BMPR1B: variants seen among roughly 807,000 people sequenced by gnomAD.
The protein encoded by BMPR1B is bone morphogenetic protein receptor type 1B, also known as bone morphogenetic protein receptor type-1B.
A neutral mutation model predicts 59.1 loss-of-function variants in BMPR1B; 12 were observed. That is an observed-to-expected ratio of 0.20 (90% confidence interval 0.13 to 0.33). The LOEUF is 0.33. BMPR1B is among the 10% of genes least tolerant of loss of function. The probability of loss-of-function intolerance (pLI) is 1.00; values close to 1 mark genes in which losing one functional copy is unlikely to be tolerated. For synonymous variants in BMPR1B, 237 were observed against 207.3 expected (o/e 1.14, Z -1.23); for missense variants, 550 against 610.9 (o/e 0.90, Z 1.05).
chr4:95,026,260 T>G (rs948125691), intron 3 of BMPR1B, among the ~76,000 whole-genome samples: 1 of 151,972 alleles, frequency 6.6e-6, no homozygotes, highest in Non-Finnish European at 1.5e-5. Context: ...GTATGTGACT[T>G]ACTTGATTCT....
At chr4:94,861,748 G>T (rs531967695) in intron 1 of BMPR1B, among the ~76,000 whole-genome samples, 1 of 152,082 alleles carries the variant, frequency 6.6e-6, no homozygotes, top group Admixed American at 6.5e-5. Context: ...TAAAATTATG[G>T]TTATAGCTAA....
intron 2 of BMPR1B, among the ~76,000 whole-genome samples, chr4:94,889,073 T>G (rs1440166185): frequency 6.6e-6 from 1 of 151,924 alleles, no homozygotes; most frequent in Non-Finnish European, 1.5e-5. Flanking sequence ...AGAAAGAAAT[T>G]TATAATAAAG....
intron 3 of BMPR1B, among the ~76,000 whole-genome samples, chr4:95,038,432 C>T (rs539015960): frequency 6.6e-6 from 1 of 152,276 alleles, no homozygotes. Flanking sequence ...AGACATCAAG[C>T]TTTATTTCCA....
intron 2 of BMPR1B, among the ~76,000 whole-genome samples, chr4:94,892,690 G>A (rs1727446552): frequency 6.6e-6 from 1 of 152,074 alleles, no homozygotes. Flanking sequence ...ACAAGCATTT[G>A]TTTAGTGAGA....
chr4:94,784,955 G>C (rs1722712260), intron 1 of BMPR1B, among the ~76,000 whole-genome samples: 1 of 152,150 alleles, frequency 6.6e-6, no homozygotes, highest in African/African-American at 2.4e-5. Flanking sequence ...GACCTACAAA[G>C]CCTCAAGCTT....
chr4:94,917,833 C>A (rs1218538671), intron 2 of BMPR1B, among the ~76,000 whole-genome samples: 1 of 152,148 alleles, frequency 6.6e-6, no homozygotes, highest in Non-Finnish European at 1.5e-5. Context: ...TTTGTCCTCA[C>A]CTAACTCTCA....
chr4:94,986,048 G>T (rs1414694608), intron 2 of BMPR1B, among the ~76,000 whole-genome samples: 1 of 151,870 alleles, frequency 6.6e-6, no homozygotes, highest in East Asian at 1.9e-4. Context: ...TTATAAGGGG[G>T]CAGTTTGTAT....
chr4:95,120,651 TTTCC>T (rs1553940511), intron 6 of BMPR1B, among the ~76,000 whole-genome samples: 1 of 34,316 alleles, frequency 2.9e-5, no homozygotes, highest in East Asian at 5.6e-4. Context: ...CCTTCCTTCC[TTTCC>T]TTCCTTCCTT....
rs547488889 is a variant in BMPR1B, at chr4:95,153,454, T to C, written c.1383+681T>C. The stretch of plus-strand genomic sequence containing the variant: ...GGCAGACTGGAATGTTCAAGATGAG[T>C]TTGAAGCACCACTGGAAAAAAAAAC... On this transcript the variant is annotated intron_variant, in intron 12 of 12. Coordinates refer to ENST00000515059, the MANE Select transcript of BMPR1B (RefSeq NM_001203.3). 3.0e-4 allele frequency among the ~76,000 whole-genome samples: 45 copies of C among 152,086 alleles called. 1 individual carries two copies. The highest frequency in any genetic ancestry group is 1.5e-4 in the Non-Finnish European group (10 of 67,986).
chr4:95,124,742 T>G (rs2149292019), intron 7 of BMPR1B, among the ~76,000 whole-genome samples: 1 of 152,170 alleles, frequency 6.6e-6, no homozygotes, highest in Non-Finnish European at 1.5e-5. Context: ...GAAGAAAAAT[T>G]GTAGATGCTT....
chr4:94,820,694 C>G, intron 1 of BMPR1B, among the ~76,000 whole-genome samples: 1 of 152,232 alleles, frequency 6.6e-6, no homozygotes, highest in Admixed American at 6.5e-5. Flanking sequence ...ATAAAAATAA[C>G]GAAGTCAGAA....
chr4:94,904,480 A>G (rs1727958090), intron 2 of BMPR1B, among the ~76,000 whole-genome samples: 1 of 152,038 alleles, frequency 6.6e-6, no homozygotes, highest in South Asian at 2.1e-4. Flanking sequence ...TACTTAAGTT[A>G]TTGGTGAATA....
intron 2 of BMPR1B, among the ~76,000 whole-genome samples, chr4:94,975,433 G>A (rs369994919): frequency 1.0e-3 from 135 of 133,860 alleles, no homozygotes; most frequent in African/African-American, 9.1e-4. Flanking sequence ...GTGCAGTCAC[G>A]ACTCACTGCA....
At chr4:94,920,365 A>G (rs1403358782) in intron 2 of BMPR1B, among the ~76,000 whole-genome samples, 1 of 152,160 alleles carries the variant, frequency 6.6e-6, no homozygotes, top group Non-Finnish European at 1.5e-5. Context: ...TTAATTAATT[A>G]TATTAATTAT....
At chr4:94,801,579 TAAC>T (rs1224120229) in intron 1 of BMPR1B, among the ~76,000 whole-genome samples, 4 of 152,342 alleles carry the variant, frequency 2.6e-5, no homozygotes, top group Admixed American at 6.5e-5. Flanking sequence ...CATTTTGTCA[TAAC>T]AACTTCATGA....
At chr4:95,051,357 C>G (rs762613012) in intron 3 of BMPR1B, among the ~76,000 whole-genome samples, 10 of 152,164 alleles carry the variant, frequency 6.6e-5, no homozygotes, top group Non-Finnish European at 1.3e-4. Context: ...CATAGCTGCC[C>G]GAGAGATTTG....
intron 1 of BMPR1B, among the ~76,000 whole-genome samples, chr4:94,863,838 C>T (rs1389737283): frequency 1.3e-5 from 2 of 152,156 alleles, no homozygotes; most frequent in Non-Finnish European, 1.5e-5. Flanking sequence ...GTGGTGCATT[C>T]CCGAAACCGT....
At chr4:94,945,230 T>C (rs1262311370) in intron 2 of BMPR1B, among the ~76,000 whole-genome samples, 1 of 152,240 alleles carries the variant, frequency 6.6e-6, no homozygotes, top group Non-Finnish European at 1.5e-5. Context: ...AATTGTGTTT[T>C]GAAACTTTGA....
intron 4 of BMPR1B, among the ~76,000 whole-genome samples, chr4:95,105,513 T>G (rs1306784691): frequency 6.6e-6 from 1 of 151,608 alleles, no homozygotes; most frequent in Non-Finnish European, 1.5e-5. Context: ...TTAAAAAAGG[T>G]TTTTAAGTTT....
Sources: gnomAD v4.1 joint callset for allele counts (sites outside exome capture counted in the v4.1 genomes callset) on GRCh38, gnomAD v4.1.1 for gene constraint, MANE v1.5 for transcripts, NCBI Gene and HGNC (gene_info 2026-07-23, HGNC 2026-07-21) for gene names.